ADAMTSL1: variants seen among roughly 807,000 people sequenced by gnomAD.
ADAMTSL1 encodes the protein ADAMTS-like protein 1.
In ADAMTSL1, 126 loss-of-function variants were observed where a neutral mutation model predicts 201.8. The ratio of observed to expected loss-of-function variants is 0.62; its 90% CI spans 0.54 to 0.72. ADAMTSL1 has a LOEUF of 0.72. Among genes scored for constraint, ADAMTSL1 ranks in the 30% least tolerant of loss-of-function variants. The probability of loss-of-function intolerance (pLI) is 0.00; values close to 1 mark genes in which losing one functional copy is unlikely to be tolerated. For missense variants in ADAMTSL1, 2,679 were observed against 2,277.8 expected, an observed-to-expected ratio of 1.18 and a Z score of -3.59; for synonymous variants, 1,121 against 903.4, an observed-to-expected ratio of 1.24 and a Z score of -4.32.
At chr9:18,459,662 G>C (rs1045509730) in intron 2 of ADAMTSL1, among the ~76,000 whole-genome samples, 4 of 152,094 alleles carry the variant, frequency 2.6e-5, no homozygotes, top group African/African-American at 9.7e-5. Context: ...ATTGAACATT[G>C]AGCAGTATCA....
intron 7 of ADAMTSL1, among the ~76,000 whole-genome samples, chr9:18,646,944 G>C (rs1476383098): frequency 2.0e-5 from 3 of 152,062 alleles, no homozygotes; most frequent in Non-Finnish European, 2.9e-5. Flanking sequence ...CTATTGATTG[G>C]AATAGTTTCA....
chr9:18,526,256 G>A (rs943970343), intron 2 of ADAMTSL1, among the ~76,000 whole-genome samples: 5 of 152,122 alleles, frequency 3.3e-5, no homozygotes, highest in Admixed American at 2.6e-4. Flanking sequence ...CAGAGACTAG[G>A]ATTGCAACCC....
intron 1 of ADAMTSL1, among the ~76,000 whole-genome samples, chr9:18,051,040 G>T (rs12376842): frequency 0.32 from 49,349 of 152,004 alleles, 8,487 homozygotes; most frequent in Non-Finnish European, 0.39. Context: ...AGTGGCTCAC[G>T]CCTGTAATCC....
At chr9:18,591,866 C>T (rs1280881249) in intron 4 of ADAMTSL1, among the ~76,000 whole-genome samples, 2 of 152,074 alleles carry the variant, frequency 1.3e-5, no homozygotes, top group Non-Finnish European at 2.9e-5. Context: ...AGGCATTTTC[C>T]CTGCAAAAAG....
At chr9:18,419,731 C>CTTTTTT (rs772122083) in intron 2 of ADAMTSL1, among the ~76,000 whole-genome samples, 1 of 125,320 alleles carries the variant, frequency 8.0e-6, no homozygotes, top group African/African-American at 3.0e-5. Flanking sequence ...ATTTATTTGA[C>CTTTTTT]TTTTTTTTTT....
chr9:18,226,390 C>A (rs1830434695), intron 2 of ADAMTSL1, among the ~76,000 whole-genome samples: 1 of 152,140 alleles, frequency 6.6e-6, no homozygotes, highest in Non-Finnish European at 1.5e-5. Flanking sequence ...CTTTTCCTCA[C>A]CCCTATTGAG....
At chr9:18,448,655 T>C (rs1044558948) in intron 2 of ADAMTSL1, among the ~76,000 whole-genome samples, 1 of 152,168 alleles carries the variant, frequency 6.6e-6, no homozygotes, top group Non-Finnish European at 1.5e-5. Flanking sequence ...ACTCAGTTAT[T>C]CATAAAAGTA....
At chr9:18,654,211 A>T (rs1031341286) in intron 7 of ADAMTSL1, among the ~76,000 whole-genome samples, 4 of 152,248 alleles carry the variant, frequency 2.6e-5, no homozygotes, top group African/African-American at 4.8e-5. Context: ...CCTGGGTGAC[A>T]GAGTGAGACT....
At chr9:18,200,982 G>C (rs1349388957) in intron 2 of ADAMTSL1, among the ~76,000 whole-genome samples, 3 of 151,924 alleles carry the variant, frequency 2.0e-5, no homozygotes, top group South Asian at 2.1e-4. Context: ...TTGAGTTCTA[G>C]TCTTCACCTC....
chr9:18,664,911 T>C (rs1381057950), intron 9 of ADAMTSL1, among the ~76,000 whole-genome samples: 1 of 152,054 alleles, frequency 6.6e-6, no homozygotes, highest in African/African-American at 2.4e-5. Flanking sequence ...TTTTGTTTTA[T>C]ATATTTTAAA....
At chr9:18,076,577 A>C (rs1823236136) in intron 1 of ADAMTSL1, among the ~76,000 whole-genome samples, 1 of 152,172 alleles carries the variant, frequency 6.6e-6, no homozygotes, top group Admixed American at 6.5e-5. Flanking sequence ...GATAAAAAAC[A>C]CCTGAATGTG....
chr9:17,952,820 C>T (rs1827780964), intron 1 of ADAMTSL1, among the ~76,000 whole-genome samples: 1 of 152,190 alleles, frequency 6.6e-6, no homozygotes, highest in Non-Finnish European at 1.5e-5. Context: ...AGCCACCATG[C>T]CCAGCCACTA....
chr9:18,657,660 G>C lies in ADAMTSL1; in HGVS notation c.856G>C (p.Asp286His). The C allele has an allele frequency of 6.2e-7, 1 of 1,614,164 alleles. No individual in the cohort carries two copies. The highest frequency in any genetic ancestry group is 8.5e-7 in the Non-Finnish European group (1 of 1,180,008). The change falls in exon 8 of 29, where the codon GAC becomes CAC. Residue 286 changes from aspartate (D) to histidine (H), a missense_variant. Asp to His is a moderately conservative substitution (Grantham distance 81). Transcript: ENST00000380548. ...GCAGATTCGTAACTCGGGCTCCGCT[G>C]ACAGTACAGTCCAGTTCATCTTCTA... ...IVKIRNSGSA[D>H]STVQFIFYQP... is the part of the protein sequence containing the mutation.
chr9:18,010,689 T>A (rs2131555287), intron 1 of ADAMTSL1, among the ~76,000 whole-genome samples: 1 of 152,118 alleles, frequency 6.6e-6, no homozygotes, highest in East Asian at 1.9e-4. Context: ...GGTGGAGAGC[T>A]AGCTAAGCCA....
chr9:18,887,848 C>G lies in ADAMTSL1; in HGVS notation c.4267C>G (p.His1423Asp). 6.2e-7 allele frequency: 1 copy of G among 1,613,900 alleles called. No homozygotes were observed. The highest frequency in any genetic ancestry group is 8.5e-7 in the Non-Finnish European group (1 of 1,179,870). The part of the protein sequence containing the change: ...SALLGCPIKG[H>D]PVPNITWFHG... ...CCTTCTAGGCTGCCCCATCAAAGGT[C>G]ACCCTGTCCCTAATATCACCTGGTT... Residue 1423 changes from histidine (H) to aspartate (D), a missense_variant, in exon 24 of 29, where the codon CAC (histidine) becomes GAC (aspartate). His to Asp is a moderately conservative substitution (Grantham distance 81, BLOSUM62 -1). Coordinates refer to ENST00000380548, the MANE Select transcript of ADAMTSL1 (RefSeq NM_001040272.6).
intron 2 of ADAMTSL1, among the ~76,000 whole-genome samples, chr9:18,181,452 C>T (rs1828472898): frequency 6.6e-6 from 1 of 151,900 alleles, no homozygotes; most frequent in Non-Finnish European, 1.5e-5. Context: ...AAAAAACAAA[C>T]AACCCGATCA....
intron 2 of ADAMTSL1, among the ~76,000 whole-genome samples, chr9:18,375,518 A>T (rs1403707588): frequency 1.3e-5 from 2 of 152,190 alleles, no homozygotes; most frequent in Admixed American, 6.5e-5. Flanking sequence ...ATACACGATC[A>T]AACAAAAATG....
rs552636578 is a variant in ADAMTSL1 at position 17,961,565 on chromosome 9, A to T, written c.87+54643A>T. ...CACACCAGGCCTATTTTTAAGAGAGATGATGAAAGGTGGTGGTGAGGTACA... is the reference window on the plus strand; with the variant it reads ...CACACCAGGCCTATTTTTAAGAGAGTTGATGAAAGGTGGTGGTGAGGTACA... On this transcript the variant is annotated intron_variant, in intron 1 of 29. Transcript: ENST00000680146. Among the ~76,000 whole-genome samples, 3 of 152,220 alleles carry T rather than the reference A, an allele frequency of 2.0e-5. No homozygotes were observed. In the East Asian group the frequency reaches 5.8e-4, roughly 29 times the overall value.
intron 18 of ADAMTSL1, 130 bp from the exon 19 acceptor site, chr9:18,776,651 G>T (rs1821017656): frequency 9.2e-7 from 1 of 1,089,240 alleles, no homozygotes. Context: ...CCGTCCTCCG[G>T]CACCTTCGTC....
Sources: allele counts gnomAD v4.1 joint callset (sites outside exome capture counted in the v4.1 genomes callset), GRCh38; gene constraint gnomAD v4.1.1; transcripts MANE v1.5; gene names NCBI Gene and HGNC (gene_info 2026-07-23, HGNC 2026-07-21).